Variants in LSG1 observed in about 807,000 individuals in gnomAD.
LSG1 encodes large 60S subunit nuclear export GTPase 1.
In LSG1, 55 loss-of-function variants were observed where a neutral mutation model predicts 82.6. The observed-to-expected ratio is 0.67, with a 90% CI of 0.54 to 0.83. The LOEUF is 0.83. Ranked by LOEUF, LSG1 falls within the 40% of genes least tolerant of loss-of-function variation. The pLI is 0.00. For missense variants in LSG1, 809 were observed against 807.9 expected (o/e 1.00, Z -0.02); for synonymous variants, 272 against 282.5 (o/e 0.96, Z 0.37).
At position 194,665,657 on chromosome 3, in the gene LSG1, GAGA is replaced by G. The variant is rs750938896; in HGVS notation, c.435-17_435-15del. ...TCCTCTTCTAGCCTAGTTTTTGAAT[GAGA>G]AGTTTATATATTTGCCAGATTATAA... is the stretch of plus-strand genomic sequence containing the variant. On this transcript the variant is annotated splice_polypyrimidine_tract_variant and intron_variant, in intron 4 of 13. Transcript: ENST00000265245. 6.5e-7 allele frequency: 1 copy of G among 1,538,964 alleles called. No homozygotes were observed. The highest frequency in any genetic ancestry group is 1.1e-5 in the South Asian group (1 of 87,582).
At chr3:194,670,355 A>G (rs893270920) in intron 1 of LSG1, among the ~76,000 whole-genome samples, 5 of 152,198 alleles carry the variant, frequency 3.3e-5, no homozygotes, top group Non-Finnish European at 7.3e-5. Flanking sequence ...TTTTGAGGTG[A>G]ATTTTACTGT....
At chr3:194,655,289 AT>A (rs924983894) in intron 7 of LSG1, among the ~76,000 whole-genome samples, 9 of 152,158 alleles carry the variant, frequency 5.9e-5, no homozygotes, top group African/African-American at 2.2e-4. Context: ...AAAAAATTTC[AT>A]TTCCCTTTGT....
intron 2 of LSG1, among the ~76,000 whole-genome samples, chr3:194,669,364 C>T (rs1160514740): frequency 6.6e-6 from 1 of 152,116 alleles, no homozygotes; most frequent in Non-Finnish European, 1.5e-5. Flanking sequence ...GGAACCCACA[C>T]ATCCCCCCAA....
At chr3:194,661,073 TG>T (rs1194300030) in intron 5 of LSG1, among the ~76,000 whole-genome samples, 1 of 152,316 alleles carries the variant, frequency 6.6e-6, no homozygotes, top group Admixed American at 6.5e-5. Flanking sequence ...GAGGCAACTT[TG>T]CAAATATGCT....
rs1419403799 is a variant in LSG1 at position 194,641,963 on chromosome 3, C to T, written c.*105G>A. ...GCAGCCGTGCTCTGCAAGAGCAGGG[C>T]CCGTTCTACAGTGCTAGTGTCTTGG... On this transcript the variant is annotated 3_prime_UTR_variant, in exon 14 of 14. Coordinates refer to ENST00000265245, the MANE Select transcript of LSG1 (RefSeq NM_018385.3). 2 of 1,246,496 alleles carry T rather than the reference C, an allele frequency of 1.6e-6. No homozygotes were observed. The highest frequency in any genetic ancestry group is 2.2e-6 in the Non-Finnish European group (2 of 890,248). 77.2% of individuals were successfully genotyped at this position (1,246,496 alleles called of 1,614,324 possible).
Position 194,651,104 on chromosome 3 carries a change from C to T in LSG1, c.1275+11G>A. The T allele has an allele frequency of 1.2e-6, 2 of 1,613,888 alleles. No individual in the cohort carries two copies. Among genetic ancestry groups the T allele is most frequent in the Non-Finnish European group, 8.5e-7 (1 of 1,179,812 alleles). Reference sequence around the variant, plus strand: ...GAGCTGCATGCAAGTGGCAAAGCACCACAGAAATACCTGAAAGTGCTTTGT... The same window carrying T: ...GAGCTGCATGCAAGTGGCAAAGCACTACAGAAATACCTGAAAGTGCTTTGT... On this transcript the variant is annotated intron_variant, in intron 9 of 13. Coordinates refer to ENST00000265245, the MANE Select transcript of LSG1 (RefSeq NM_018385.3).
intron 1 of LSG1, 88 bp downstream of exon 1, chr3:194,671,976 C>G: frequency 7.9e-7 from 1 of 1,258,818 alleles, no homozygotes; most frequent in East Asian, 2.3e-5. Context: ...GGCGTCCCTC[C>G]TGCAAAACTT....
In LSG1 at chr3:194,652,795, T is replaced by C. The variant is rs1477065153; in HGVS notation, c.1107A>G (p.Leu369=). Residue 369 remains leucine, a synonymous_variant, in exon 8 of 14, where the codon TTA becomes TTG. Coordinates refer to ENST00000265245, the MANE Select transcript of LSG1 (RefSeq NM_018385.3). ...NFSHLVSKQE[L]LELFKELHTG... Reference sequence around the variant, plus strand: ...TGTGTAGCTCCTTAAAGAGCTCCAGTAACTCCTGCTTGGATACCAGATGGC... The same window carrying C: ...TGTGTAGCTCCTTAAAGAGCTCCAGCAACTCCTGCTTGGATACCAGATGGC... The C allele has an allele frequency of 1.2e-6, 2 of 1,614,190 alleles. No homozygotes were observed. The highest frequency in any genetic ancestry group is 1.1e-5 in the South Asian group (1 of 91,082).
chr3:194,640,914 G>A lies in LSG1; in HGVS notation c.*1154C>T, dbSNP rs2108612780. 1 of 152,878 alleles carries A rather than the reference G, an allele frequency of 6.5e-6. No individual in the cohort carries two copies. The highest frequency in any genetic ancestry group is 2.0e-4 in the South Asian group (1 of 4,902). The allele number at this position is 152,878 out of a possible 1,614,324, so 9.5% of individuals were successfully genotyped here. On this transcript the variant is annotated 3_prime_UTR_variant, in exon 14 of 14. Coordinates refer to ENST00000265245, the MANE Select transcript of LSG1 (RefSeq NM_018385.3). ...CATGTTAGAAGGCGAAGGAGAAGCA[G>A]GCACATCTTATATGGCCAGAGCAGG...
chr3:194,646,148 G>A lies in LSG1; in HGVS notation c.1623+16C>T. The A allele has an allele frequency of 1.2e-6, 2 of 1,612,864 alleles. No individual in the cohort carries two copies. The highest frequency in any genetic ancestry group is 1.7e-6 in the Non-Finnish European group (2 of 1,178,932). On this transcript the variant is annotated intron_variant, in intron 12 of 13. Coordinates refer to ENST00000265245, the MANE Select transcript of LSG1 (RefSeq NM_018385.3). ...GACTTGTGTATTGGAGAGCATGAGA[G>A]GCAGGGTTCACTTACACTGACATAG... is the stretch of plus-strand genomic sequence containing the variant.
At chr3:194,651,295 C>T in intron 8 of LSG1, 79 bp from the exon 9 acceptor site, 2 of 929,256 alleles carry the variant, frequency 2.2e-6, no homozygotes, top group South Asian at 2.7e-5. Context: ...TAGATGGTGG[C>T]AAGACTAGCA....
rs149778497 is a variant in LSG1, at chr3:194,646,185, G to A, written c.1602C>T (p.Tyr534=). The change falls in exon 12 of 14, where the codon TAC becomes TAT. Residue 534 remains tyrosine (Y), a synonymous_variant. Transcript: ENST00000265245. Reference sequence around the variant, plus strand: ...TTACACTGACATAGTCCTTCAGGATGTAGCGCGCAGATCGAGGCTGGTCTG... The same window carrying A: ...TTACACTGACATAGTCCTTCAGGATATAGCGCGCAGATCGAGGCTGGTCTG... ...GQPDQPRSAR[Y]ILKDYVSGKL... 6 of 1,614,010 alleles carry A rather than the reference G, an allele frequency of 3.7e-6. No individual in the cohort carries two copies. The African/African-American group carries it at 5.3e-5, about 14-fold the overall frequency.
In LSG1 at chr3:194,665,600, T is replaced by C. The variant is rs756151684; in HGVS notation, c.478A>G (p.Asn160Asp). 51 of 1,613,384 alleles carry C rather than the reference T, an allele frequency of 3.2e-5. No homozygotes were observed. The highest frequency in any genetic ancestry group is 1.7e-5 in the Admixed American group (1 of 59,778). Residue 160 changes from asparagine (N) to aspartate (D), a missense_variant, in exon 5 of 14, where the codon AAT (asparagine) becomes GAT (aspartate). Transcript: ENST00000265245. ...CAGAGCTGGCGCCAAAAGTCCAAATTTCGTTCAAATGGAGTCAATATCAGC... is the reference window on the plus strand; with the variant it reads ...CAGAGCTGGCGCCAAAAGTCCAAATCTCGTTCAAATGGAGTCAATATCAGC... ...QKLILTPFER[N>D]LDFWRQLWRV...
intron 12 of LSG1, among the ~76,000 whole-genome samples, chr3:194,645,561 C>CACAG (rs1560219784): frequency 1.3e-4 from 8 of 61,478 alleles, no homozygotes; most frequent in African/African-American, 4.1e-4. Context: ...CACACACACA[C>CACAG]ACACACACAG....
chr3:194,658,017 C>T (rs975895118), intron 7 of LSG1, among the ~76,000 whole-genome samples: 1 of 152,128 alleles, frequency 6.6e-6, no homozygotes, highest in African/African-American at 2.4e-5. Context: ...CATAACCCAG[C>T]TCAACACACA....
At chr3:194,666,739 T>G (rs1376456650) in intron 2 of LSG1, among the ~76,000 whole-genome samples, 167 bp from the exon 3 acceptor site, 3 of 152,238 alleles carry the variant, frequency 2.0e-5, no homozygotes, top group Non-Finnish European at 4.4e-5. Flanking sequence ...AAATGAAGTT[T>G]TATACCAAAT....
Position 194,659,064 on chromosome 3 carries a change from T to G in LSG1, c.652A>C (p.Thr218Pro). The change falls in exon 7 of 14, where the codon ACT (threonine) becomes CCT (proline). Residue 218 changes from threonine (T) to proline (P), a missense_variant. Coordinates refer to ENST00000265245, the MANE Select transcript of LSG1 (RefSeq NM_018385.3). ...GCCCAGGCACTCCGCTGCTCAGCAGTCAGCAAGTCTGCCTTGTTGATCAGA... is the reference window on the plus strand; with the variant it reads ...GCCCAGGCACTCCGCTGCTCAGCAGGCAGCAAGTCTGCCTTGTTGATCAGA... ...VILINKADLL[T>P]AEQRSAWAMY... 6.2e-7 allele frequency: 1 copy of G among 1,614,188 alleles called. No homozygotes were observed. Among genetic ancestry groups the G allele is most frequent in the Non-Finnish European group, 8.5e-7 (1 of 1,180,008 alleles).
chr3:194,646,417 ATATT>A (rs1304412982), intron 11 of LSG1, 174 bp from the exon 12 acceptor site: 19 of 506,144 alleles, frequency 3.8e-5, no homozygotes, highest in Admixed American at 1.1e-4. Context: ...ATCCAGGAGA[ATATT>A]TACTTATATC....
In LSG1 at chr3:194,647,343, G is replaced by C. The variant is rs1339889816; in HGVS notation, c.1544-1100C>G. On this transcript the variant is annotated intron_variant, in intron 11 of 13. Transcript: ENST00000265245. ...AAAAATGTGTAGCACATATAACAAA[G>C]AACTTTTACAAATCATTAAGACAGA... 2.0e-5 allele frequency among the ~76,000 whole-genome samples: 3 copies of C among 152,090 alleles called. 1 individual carries two copies. The South Asian group carries it at 6.2e-4, about 32-fold the overall frequency.
Sources: allele counts gnomAD v4.1 joint callset (sites outside exome capture counted in the v4.1 genomes callset), GRCh38; gene constraint gnomAD v4.1.1; transcripts MANE v1.5; gene names NCBI Gene and HGNC (gene_info 2026-07-23, HGNC 2026-07-21).